GRM7: variants seen among roughly 807,000 people sequenced by gnomAD.
GRM7 encodes the protein metabotropic glutamate receptor 7.
Under a neutral mutation model 84.5 loss-of-function variants are expected in GRM7, and 35 were observed. That is an observed-to-expected ratio of 0.41 (90% CI 0.32 to 0.55). GRM7 has a LOEUF of 0.55. Among genes scored for constraint, GRM7 ranks in the 20% least tolerant of loss-of-function variants. The pLI is 0.19. For missense variants in GRM7, 1,003 were observed against 1,194.6 expected (o/e 0.84, Z 2.36); for synonymous variants, 487 against 455.1 (o/e 1.07, Z -0.89).
At chr3:7,097,872 A>C (rs1698911204) in intron 1 of GRM7, among the ~76,000 whole-genome samples, 1 of 152,222 alleles carries the variant, frequency 6.6e-6, no homozygotes, top group South Asian at 2.1e-4. Context: ...CAGTGTTTAC[A>C]TTTGCCATAC....
intron 1 of GRM7, among the ~76,000 whole-genome samples, chr3:6,891,017 G>C (rs868202838): frequency 2.6e-5 from 4 of 151,618 alleles, no homozygotes; most frequent in Non-Finnish European, 5.9e-5. Flanking sequence ...GATCTTTGTT[G>C]GTTTAAAGTC....
At chr3:7,291,834 A>G (rs1019107983) in intron 2 of GRM7, among the ~76,000 whole-genome samples, 1 of 152,038 alleles carries the variant, frequency 6.6e-6, no homozygotes, top group Non-Finnish European at 1.5e-5. Context: ...TCTCCTCTTG[A>G]ATTGTAGCTC....
chr3:7,456,425 T>C (rs1231102144), intron 6 of GRM7, among the ~76,000 whole-genome samples: 2 of 146,936 alleles, frequency 1.4e-5, no homozygotes, highest in African/African-American at 2.5e-5. Context: ...AACCTCATAA[T>C]GGTTTAGGAT....
At chr3:6,959,687 A>G (rs577219733) in intron 1 of GRM7, among the ~76,000 whole-genome samples, 1 of 152,180 alleles carries the variant, frequency 6.6e-6, no homozygotes, top group Non-Finnish European at 1.5e-5. Context: ...GTTTTTTAAA[A>G]TAGGAAGTCC....
chr3:7,293,096 A>G (rs534272890), intron 2 of GRM7, among the ~76,000 whole-genome samples: 1 of 152,234 alleles, frequency 6.6e-6, no homozygotes, highest in East Asian at 1.9e-4. Context: ...TGCTAAATAA[A>G]ATTGGCATAT....
chr3:6,871,211 G>A (rs1695108862), intron 1 of GRM7, among the ~76,000 whole-genome samples: 1 of 152,122 alleles, frequency 6.6e-6, no homozygotes, highest in South Asian at 2.1e-4. Context: ...AAGCATTTCA[G>A]TTTCCTATGT....
intron 1 of GRM7, among the ~76,000 whole-genome samples, chr3:7,070,266 A>G (rs1264948463): frequency 6.6e-6 from 1 of 152,160 alleles, no homozygotes; most frequent in Non-Finnish European, 1.5e-5. Flanking sequence ...ATGGATAATT[A>G]TCAGAATAAC....
intron 4 of GRM7, among the ~76,000 whole-genome samples, chr3:7,350,292 A>G (rs1310978265): frequency 6.6e-6 from 1 of 152,056 alleles, no homozygotes; most frequent in Non-Finnish European, 1.5e-5. Flanking sequence ...TGTAATGCCT[A>G]ATATTGGAGG....
intron 1 of GRM7, among the ~76,000 whole-genome samples, chr3:7,133,647 T>G (rs1301856880): frequency 6.6e-6 from 1 of 152,208 alleles, no homozygotes; most frequent in Non-Finnish European, 1.5e-5. Context: ...ATGCTGGCTC[T>G]TGAGGCCTGG....
At chr3:7,459,723 T>C (rs1409199392) in intron 6 of GRM7, among the ~76,000 whole-genome samples, 1 of 152,082 alleles carries the variant, frequency 6.6e-6, no homozygotes, top group African/African-American at 2.4e-5. Context: ...ATAGGAATTA[T>C]GGGAGCTACA....
intron 2 of GRM7, among the ~76,000 whole-genome samples, chr3:7,159,746 C>T (rs1341619975): frequency 2.0e-5 from 3 of 152,160 alleles, no homozygotes; most frequent in African/African-American, 7.2e-5. Context: ...CTGTCTGTGT[C>T]AGGACGTAGT....
intron 8 of GRM7, among the ~76,000 whole-genome samples, chr3:7,632,410 G>T (rs1697897915): frequency 6.6e-6 from 1 of 152,100 alleles, no homozygotes; most frequent in South Asian, 2.1e-4. Flanking sequence ...AAGGAATAAA[G>T]AATAATGTTG....
At chr3:7,167,973 C>CAAAAAAAAAAAAAA (rs60681836) in intron 2 of GRM7, among the ~76,000 whole-genome samples, 2 of 54,610 alleles carry the variant, frequency 3.7e-5, no homozygotes, top group African/African-American at 1.3e-4. Context: ...GACTCTGTCT[C>CAAAAAAAAAAAAAA]AAAAAAAAAA....
intron 1 of GRM7, among the ~76,000 whole-genome samples, chr3:6,953,991 G>C (rs75394600): frequency 6.6e-6 from 1 of 152,148 alleles, no homozygotes; most frequent in African/African-American, 2.4e-5. Flanking sequence ...AAATATTTAA[G>C]TGCCCTCCTT....
intron 8 of GRM7, among the ~76,000 whole-genome samples, chr3:7,654,121 T>G (rs1699077608): frequency 6.6e-6 from 1 of 152,188 alleles, no homozygotes; most frequent in African/African-American, 2.4e-5. Context: ...TATTGCTGAT[T>G]TCTGGTCTCT....
intron 2 of GRM7, among the ~76,000 whole-genome samples, chr3:7,265,128 A>G (rs1333433253): frequency 6.6e-6 from 1 of 152,240 alleles, no homozygotes; most frequent in Non-Finnish European, 1.5e-5. Flanking sequence ...GACACATTCA[A>G]ACACATGCTA....
chr3:7,091,977 G>A (rs1698680067), intron 1 of GRM7, among the ~76,000 whole-genome samples: 1 of 151,560 alleles, frequency 6.6e-6, no homozygotes, highest in South Asian at 2.1e-4. Context: ...ATGGAAGGAT[G>A]TATTCAGTTT....
chr3:7,686,581 C>T (rs1473522720), intron 9 of GRM7: 9 of 589,310 alleles, frequency 1.5e-5, no homozygotes, highest in East Asian at 8.5e-5. Flanking sequence ...CAAAGATGAT[C>T]GATTTGATAA....
chr3:7,256,589 T>G (rs1432994577), intron 2 of GRM7, among the ~76,000 whole-genome samples: 1 of 152,032 alleles, frequency 6.6e-6, no homozygotes, highest in East Asian at 1.9e-4. Flanking sequence ...ATTTTATCTG[T>G]GAAACTATAG....
Sources: allele counts gnomAD v4.1 joint callset (sites outside exome capture counted in the v4.1 genomes callset), GRCh38; gene constraint gnomAD v4.1.1; transcripts MANE v1.5; gene names NCBI Gene and HGNC (gene_info 2026-07-23, HGNC 2026-07-21).